Variants in CYLC1 observed in about 807,000 individuals in gnomAD.
CYLC1 encodes the protein cylicin 1, also known as cylicin-1.
Under a neutral mutation model 31.6 loss-of-function variants are expected in CYLC1, and 2 were observed. The ratio of observed to expected loss-of-function variants is 0.06; its 90% CI spans 0.03 to 0.20. The LOEUF is 0.20. Ranked by LOEUF, CYLC1 falls within the 10% of genes least tolerant of loss-of-function variation. The pLI is 1.00. For missense variants in CYLC1, 595 were observed against 424.1 expected, an observed-to-expected ratio of 1.40 and a Z score of -3.54; for synonymous variants, 185 against 153.0, an observed-to-expected ratio of 1.21 and a Z score of -1.54.
chrX:83,880,643 T>C (rs1165861813), intron 4 of CYLC1, among the ~76,000 whole-genome samples: 1 of 111,350 alleles, frequency 9.0e-6, no homozygotes, highest in African/African-American at 3.3e-5. Context: ...TATTATTTTT[T>C]CTCAAGTATA....
intron 1 of CYLC1, among the ~76,000 whole-genome samples, chrX:83,865,417 A>G (rs1166433762): frequency 9.0e-6 from 1 of 111,063 alleles, no homozygotes; most frequent in African/African-American, 3.3e-5. Flanking sequence ...TCTGCCACCA[A>G]CTCTAAACCA....
At chrX:83,878,476 A>AATATTTATAAATATATATAAAT (rs2031859187) in intron 4 of CYLC1, among the ~76,000 whole-genome samples, 1 of 45,937 alleles carries the variant, frequency 2.2e-5, no homozygotes, top group Non-Finnish European at 3.7e-5. Context: ...TATATATATA[A>AATATTTATAAATATATATAAAT]ATATATATAA....
At chrX:83,861,643 G>C (rs182323768) in intron 1 of CYLC1, among the ~76,000 whole-genome samples, 97 of 111,905 alleles carry the variant, frequency 8.7e-4, no homozygotes, top group South Asian at 5.5e-3. Flanking sequence ...AGAAAGTGCA[G>C]TAAGTTTATT....
At chrX:83,886,214 A>G (rs933212024) in intron 4 of CYLC1, among the ~76,000 whole-genome samples, 2 of 111,422 alleles carry the variant, frequency 1.8e-5, no homozygotes, top group African/African-American at 3.3e-5. Flanking sequence ...AGTTTAGGCT[A>G]ATGGTGTAAC....
At chrX:83,876,653 C>A (rs1335225080) in intron 4 of CYLC1, among the ~76,000 whole-genome samples, 1 of 110,206 alleles carries the variant, frequency 9.1e-6, no homozygotes, top group Admixed American at 9.8e-5. Context: ...TATCTATAGG[C>A]TTTTCCTCCC....
At position 83,874,327 on chromosome X, in the gene CYLC1, G is replaced by T; in HGVS notation, c.1619G>T (p.Gly540Val). The T allele has an allele frequency of 8.3e-7, 1 of 1,208,759 alleles. No homozygotes were observed. The highest frequency in any genetic ancestry group is 1.1e-6 in the Non-Finnish European group (1 of 893,659). Residue 540 changes from glycine (G) to valine (V), a missense_variant, in exon 4 of 5, where the codon GGT (glycine) becomes GTT (valine). By Grantham distance (109) the Gly-to-Val change is moderately radical. Coordinates refer to ENST00000329312, the MANE Select transcript of CYLC1 (RefSeq NM_021118.3). ...TGFKTSTKIK[G>V]SDTESEESLY... ...TTTAAAACATCTACAAAAATCAAAG[G>T]TTCAGATACTGAATCTGAAGAGTCA...
intron 4 of CYLC1, among the ~76,000 whole-genome samples, chrX:83,884,805 G>A (rs1376781491): frequency 3.6e-5 from 4 of 110,548 alleles, no homozygotes; most frequent in African/African-American, 1.3e-4. Context: ...CCCAAGCATA[G>A]AGACTCCTTC....
intron 1 of CYLC1, among the ~76,000 whole-genome samples, chrX:83,862,933 T>G (rs552721709): frequency 8.9e-6 from 1 of 111,809 alleles, no homozygotes; most frequent in Admixed American, 9.5e-5. Context: ...AAAGTCTGCT[T>G]TATTCCTCAA....
chrX:83,878,703 C>G (rs1008560377), intron 4 of CYLC1, among the ~76,000 whole-genome samples: 1 of 102,807 alleles, frequency 9.7e-6, no homozygotes. Flanking sequence ...GTCATTAAAA[C>G]AAGTATTTTT....
chrX:83,870,370 C>T (rs184525488), intron 2 of CYLC1, among the ~76,000 whole-genome samples: 80 of 111,383 alleles, frequency 7.2e-4, no homozygotes, highest in Non-Finnish European at 1.3e-3. Context: ...CTAGCCCACC[C>T]CTCAGGATAC....
chrX:83,877,115 C>T (rs2031774019), intron 4 of CYLC1, among the ~76,000 whole-genome samples: 1 of 111,101 alleles, frequency 9.0e-6, no homozygotes, highest in Non-Finnish European at 1.9e-5. Flanking sequence ...ACCATCCAGC[C>T]AGTTGATTTT....
intron 1 of CYLC1, among the ~76,000 whole-genome samples, chrX:83,865,532 T>G (rs1409150981): frequency 1.8e-5 from 2 of 111,941 alleles, no homozygotes; most frequent in Non-Finnish European, 3.8e-5. Context: ...TGGATTCAAA[T>G]GATAGAAATT....
chrX:83,871,971 G>A lies in CYLC1; in HGVS notation c.177+401G>A, dbSNP rs189781004. Among the ~76,000 whole-genome samples, 297 of 111,011 alleles carry A rather than the reference G, an allele frequency of 2.7e-3. 1 individual carries two copies. The highest frequency in any genetic ancestry group is 4.7e-3 in the Middle Eastern group (1 of 214). On this transcript the variant is annotated intron_variant, in intron 3 of 4. Transcript: ENST00000329312. ...AGTTTTCTACTGTTTCTCTAAAGTC[G>A]AGTTATCCTATCAATTAGCAAAAGG...
intron 1 of CYLC1, among the ~76,000 whole-genome samples, chrX:83,862,604 T>G (rs1270317549): frequency 1.8e-5 from 2 of 112,075 alleles, no homozygotes; most frequent in African/African-American, 6.5e-5. Flanking sequence ...AAAATTGAGC[T>G]CCCCAAAGTG....
intron 1 of CYLC1, among the ~76,000 whole-genome samples, chrX:83,866,171 A>G (rs956934792): frequency 4.5e-5 from 5 of 111,748 alleles, no homozygotes; most frequent in African/African-American, 1.6e-4. Context: ...GAACTGTAAA[A>G]TTAAAAAACA....
Position 83,880,736 on chromosome X carries a change from A to G in CYLC1, c.1924-5816A>G, listed in dbSNP as rs780626951. Among the ~76,000 whole-genome samples, 184 of 111,633 alleles carry G rather than the reference A, an allele frequency of 1.6e-3. 1 individual carries two copies. The highest frequency in any genetic ancestry group is 5.8e-3 in the African/African-American group (178 of 30,812). On this transcript the variant is annotated intron_variant, in intron 4 of 4. Transcript: ENST00000329312. ...TATATTATCTGCTATTTTATTATGC[A>G]CATTCAGGGAGCACCACTCCTATCA...
intron 4 of CYLC1, among the ~76,000 whole-genome samples, 174 bp downstream of exon 4, chrX:83,874,805 C>CA (rs1408172702): frequency 1.8e-5 from 2 of 109,886 alleles, no homozygotes; most frequent in African/African-American, 6.6e-5. Flanking sequence ...CAAAATACTG[C>CA]AAAAAGTTAT....
chrX:83,876,870 C>T (rs987529617), intron 4 of CYLC1, among the ~76,000 whole-genome samples: 8 of 110,495 alleles, frequency 7.2e-5, no homozygotes, highest in South Asian at 3.8e-4. Context: ...TATTTACAGT[C>T]CTCCCTTTGT....
chrX:83,861,327 G>T (rs1384791232), intron 1 of CYLC1, 128 bp downstream of exon 1: 1 of 495,135 alleles, frequency 2.0e-6, no homozygotes, highest in African/African-American at 2.5e-5. Flanking sequence ...ATTAGAACTT[G>T]TATTTTAAAC....
Sources: gnomAD v4.1 joint callset for allele counts (sites outside exome capture counted in the v4.1 genomes callset) on GRCh38, gnomAD v4.1.1 for gene constraint, MANE v1.5 for transcripts, NCBI Gene and HGNC (gene_info 2026-07-23, HGNC 2026-07-21) for gene names.